The following RAP1GDS1 variants were observed in gnomAD, a reference collection of about 807,000 sequenced individuals.
The protein encoded by RAP1GDS1 is Rap1 GTPase-GDP dissociation stimulator 1.
Under a neutral mutation model 71.1 loss-of-function variants are expected in RAP1GDS1, and 35 were observed. The ratio of observed to expected loss-of-function variants is 0.49; its 90% CI spans 0.38 to 0.65. The LOEUF (loss-of-function observed/expected upper bound fraction) is 0.65. Ranked by LOEUF, RAP1GDS1 falls within the 30% of genes least tolerant of loss-of-function variation. The pLI, the probability that RAP1GDS1 is intolerant of heterozygous loss-of-function variation, is 0.00. For missense variants in RAP1GDS1, 663 were observed against 706.1 expected, an observed-to-expected ratio of 0.94 and a Z score of 0.69; for synonymous variants, 229 against 243.1, an observed-to-expected ratio of 0.94 and a Z score of 0.54.
intron 2 of RAP1GDS1, among the ~76,000 whole-genome samples, chr4:98,334,107 A>G (rs529729373): frequency 1.7e-4 from 26 of 152,258 alleles, no homozygotes; most frequent in Non-Finnish European, 2.4e-4. Flanking sequence ...CTTAATTACT[A>G]TGTATTTCAT....
chr4:98,292,803 A>G (rs1727168435), intron 1 of RAP1GDS1, among the ~76,000 whole-genome samples: 1 of 152,152 alleles, frequency 6.6e-6, no homozygotes, highest in Non-Finnish European at 1.5e-5. Context: ...TAGTGTAAAG[A>G]GGTTTTGAGA....
At position 98,417,353 on chromosome 4, in the gene RAP1GDS1, T is replaced by A. The variant is rs1329189044; in HGVS notation, c.908-14T>A. On this transcript the variant is annotated splice_polypyrimidine_tract_variant and intron_variant, in intron 8 of 14. Coordinates refer to ENST00000408927, the MANE Select transcript of RAP1GDS1 (RefSeq NM_001100427.2). ...TTTTTCTCTTGCTTAACTATTCGTT[T>A]CATTTACCTCCAGATGAATCCATGC... 1.2e-6 allele frequency: 2 copies of A among 1,601,150 alleles called. No homozygotes were observed. Among genetic ancestry groups the A allele is most frequent in the Non-Finnish European group, 1.7e-6 (2 of 1,173,026 alleles).
Position 98,440,097 on chromosome 4 carries a change from T to G in RAP1GDS1, c.1697-1893T>G, listed in dbSNP as rs115695796. ...TATGTGGAATAAGAAACTCCTGTCC[T>G]TTTTTGTCTAGCTTATTTTACTTAG... On this transcript the variant is annotated intron_variant, in intron 14 of 14. Transcript: ENST00000408927. Among the ~76,000 whole-genome samples, 1,163 of 152,310 alleles carry G rather than the reference T, an allele frequency of 7.6e-3. 16 individuals are homozygous for G. The highest frequency in any genetic ancestry group is 0.027 in the African/African-American group (1,113 of 41,546).
intron 2 of RAP1GDS1, among the ~76,000 whole-genome samples, chr4:98,294,809 G>A (rs944793393): frequency 1.3e-5 from 2 of 152,030 alleles, no homozygotes; most frequent in African/African-American, 2.4e-5. Flanking sequence ...AGAACCACAC[G>A]ATGACCTGAT....
chr4:98,393,634 C>CTGT (rs1345798090), intron 6 of RAP1GDS1, among the ~76,000 whole-genome samples: 1 of 152,092 alleles, frequency 6.6e-6, no homozygotes, highest in Non-Finnish European at 1.5e-5. Flanking sequence ...AGGTACTTTG[C>CTGT]TGTTACATTT....
At chr4:98,330,436 C>T (rs1278189252) in intron 2 of RAP1GDS1, among the ~76,000 whole-genome samples, 3 of 150,312 alleles carry the variant, frequency 2.0e-5, no homozygotes, top group Admixed American at 6.6e-5. Context: ...GGGGTCGCGG[C>T]CGGGCAGAGG....
intron 1 of RAP1GDS1, among the ~76,000 whole-genome samples, chr4:98,269,195 A>C (rs1252098801): frequency 1.7e-5 from 2 of 120,250 alleles, no homozygotes; most frequent in Non-Finnish European, 3.8e-5. Context: ...AAAAAAAAAA[A>C]GCCAAGGAAA....
chr4:98,261,400 G>GCCGCGCCGCCTGCAGCAGCACCAGCTGCT lies in RAP1GDS1; in HGVS notation c.-163_-135dup. ...CCCCCCGCCGCTCGTCCCCGCCGCG[G>GCCGCGCCGCCTGCAGCAGCACCAGCTGCT]CCGCGCCGCCTGCAGCAGCACCAGC... On this transcript the variant is annotated 5_prime_UTR_variant, in exon 1 of 15. Coordinates refer to ENST00000408927, the MANE Select transcript of RAP1GDS1 (RefSeq NM_001100427.2). 4.2e-6 allele frequency: 1 copy of GCCGCGCCGCCTGCAGCAGCACCAGCTGCT among 237,648 alleles called. No homozygotes were observed. The highest frequency in any genetic ancestry group is 7.2e-6 in the Non-Finnish European group (1 of 139,536). The allele number at this position is 237,648 out of a possible 1,614,324, so 14.7% of individuals were successfully genotyped here. A position where few individuals can be genotyped will look rare whatever the true frequency, so the allele number is the denominator to read the frequency against.
intron 14 of RAP1GDS1, among the ~76,000 whole-genome samples, chr4:98,440,890 T>C: frequency 6.6e-6 from 1 of 152,086 alleles, no homozygotes; most frequent in African/African-American, 2.4e-5. Context: ...ATGGGGTTTC[T>C]CCATGTTGGT....
chr4:98,342,090 G>A (rs557956287), intron 2 of RAP1GDS1, among the ~76,000 whole-genome samples: 3 of 151,868 alleles, frequency 2.0e-5, no homozygotes, highest in Non-Finnish European at 4.4e-5. Flanking sequence ...TAATGGATTG[G>A]GACCCACAGT....
chr4:98,314,714 TA>T (rs1730700100), intron 2 of RAP1GDS1, among the ~76,000 whole-genome samples: 1 of 152,136 alleles, frequency 6.6e-6, no homozygotes, highest in South Asian at 2.1e-4. Context: ...AAGTAATATA[TA>T]AGTTTTAATA....
intron 7 of RAP1GDS1, chr4:98,409,664 T>C: frequency 3.0e-6 from 1 of 338,854 alleles, no homozygotes; most frequent in Non-Finnish European, 6.0e-6. Flanking sequence ...TGAGTTCAAC[T>C]GAAGCAACAG....
intron 5 of RAP1GDS1, among the ~76,000 whole-genome samples, chr4:98,390,280 G>A (rs1216629975): frequency 6.6e-6 from 1 of 151,974 alleles, no homozygotes; most frequent in African/African-American, 2.4e-5. Flanking sequence ...TTACCTTTAA[G>A]TGTTGTGAAT....
At chr4:98,269,403 A>T (rs1037835402) in intron 1 of RAP1GDS1, among the ~76,000 whole-genome samples, 2 of 152,144 alleles carry the variant, frequency 1.3e-5, no homozygotes, top group African/African-American at 4.8e-5. Context: ...GCTCCATAAG[A>T]TTGGTGTTGG....
At chr4:98,325,466 T>C (rs1231019860) in intron 2 of RAP1GDS1, among the ~76,000 whole-genome samples, 2 of 151,848 alleles carry the variant, frequency 1.3e-5, no homozygotes, top group Non-Finnish European at 2.9e-5. Flanking sequence ...TAAAGACACA[T>C]GCACATGTAT....
At chr4:98,263,102 A>G (rs1286907154) in intron 1 of RAP1GDS1, among the ~76,000 whole-genome samples, 1 of 152,166 alleles carries the variant, frequency 6.6e-6, no homozygotes, top group Non-Finnish European at 1.5e-5. Context: ...GAACATACAC[A>G]CGTTTATGTG....
chr4:98,415,546 A>G (rs976872640), intron 7 of RAP1GDS1, among the ~76,000 whole-genome samples: 1 of 152,220 alleles, frequency 6.6e-6, no homozygotes, highest in African/African-American at 2.4e-5. Context: ...CCCACAACAT[A>G]TATCTGCTCA....
At chr4:98,423,402 A>G (rs1343544884) in intron 12 of RAP1GDS1, among the ~76,000 whole-genome samples, 2 of 152,242 alleles carry the variant, frequency 1.3e-5, no homozygotes, top group Non-Finnish European at 2.9e-5. Flanking sequence ...GAGGTTGAAA[A>G]CTGGGAATTA....
At chr4:98,285,163 A>G (rs1328672372) in intron 1 of RAP1GDS1, among the ~76,000 whole-genome samples, 2 of 152,210 alleles carry the variant, frequency 1.3e-5, no homozygotes, top group African/African-American at 4.8e-5. Flanking sequence ...CTCAGTGAGC[A>G]ATAGATTGCT....
Sources: gnomAD v4.1 joint callset for allele counts (sites outside exome capture counted in the v4.1 genomes callset) on GRCh38, gnomAD v4.1.1 for gene constraint, MANE v1.5 for transcripts, NCBI Gene and HGNC (gene_info 2026-07-23, HGNC 2026-07-21) for gene names.